PHC2: variants seen among roughly 807,000 people sequenced by gnomAD.
The protein encoded by PHC2 is polyhomeotic-like protein 2.
A neutral mutation model predicts 87.4 loss-of-function variants in PHC2; 29 were observed. That is an observed-to-expected ratio of 0.33 (90% CI 0.25 to 0.45). The LOEUF is 0.45. Ranked by LOEUF, PHC2 falls within the 20% of genes least tolerant of loss-of-function variation. The pLI is 1.00. For missense variants in PHC2, 857 were observed against 1,136.7 expected, an observed-to-expected ratio of 0.75 and a Z score of 3.54; for synonymous variants, 438 against 461.7, an observed-to-expected ratio of 0.95 and a Z score of 0.66.
Position 33,370,510 on chromosome 1 carries a change from C to G in PHC2, c.487G>C (p.Gly163Arg). Reference sequence around the variant, plus strand: ...AAGAGCACAGCCTGCTGAGCGATGCCTGAGGCTGCTGCAGAGTTCACACTC... The same window carrying G: ...AAGAGCACAGCCTGCTGAGCGATGCGTGAGGCTGCTGCAGAGTTCACACTC... ...AQSVNSAAASGIAQQAVLLGN... is the reference protein window; with the variant it reads ...AQSVNSAAASRIAQQAVLLGN... Residue 163 changes from glycine to arginine, a missense_variant, in exon 5 of 15, where the codon GGC becomes CGC. This residue lies in a region of PHC2 where 832 missense variants were observed against 1,081.8 expected (regional missense o/e 0.77). Transcript: ENST00000683057. The G allele has an allele frequency of 1.2e-6, 2 of 1,614,116 alleles. No individual in the cohort carries two copies. The highest frequency in any genetic ancestry group is 1.7e-6 in the Non-Finnish European group (2 of 1,179,982).
At chr1:33,408,882 A>C (rs75241846) in intron 1 of PHC2, among the ~76,000 whole-genome samples, 2,255 of 152,298 alleles carry the variant, frequency 0.015, 47 homozygotes, top group African/African-American at 0.051. Flanking sequence ...GAGCCCCAGG[A>C]GAGAACCAGA....
intron 9 of PHC2, chr1:33,346,701 T>G: frequency 1.0e-6 from 1 of 985,196 alleles, no homozygotes; most frequent in Non-Finnish European, 1.2e-6. Flanking sequence ...TGGATGAAAG[T>G]GAGGAGGTGG....
In PHC2 at chr1:33,332,602, G is replaced by A; in HGVS notation, c.1762-198C>T. 1.7e-6 allele frequency: 1 copy of A among 604,180 alleles called. No individual in the cohort carries two copies. The highest frequency in any genetic ancestry group is 2.9e-5 in the East Asian group (1 of 34,042). 37.4% of individuals were successfully genotyped at this position (604,180 alleles called of 1,614,324 possible). ...TTGGCTCACGAGGTAAGATGCTAATGGGCAAAGTACAGGGATGGCTTCTGT... is the reference window on the plus strand; with the variant it reads ...TTGGCTCACGAGGTAAGATGCTAATAGGCAAAGTACAGGGATGGCTTCTGT... On this transcript the variant is annotated intron_variant, in intron 10 of 14. Transcript: ENST00000683057. The surrounding 1 kb of genome is among the most constrained non-coding windows in gnomAD (Gnocchi z 4.2).
intron 3 of PHC2, among the ~76,000 whole-genome samples, chr1:33,371,627 G>A (rs1429557249): frequency 6.6e-6 from 1 of 152,236 alleles, no homozygotes; most frequent in Non-Finnish European, 1.5e-5. Context: ...CATCCTTCAA[G>A]TGTCAGCTCC....
intron 1 of PHC2, among the ~76,000 whole-genome samples, chr1:33,424,107 A>G (rs1313074428): frequency 6.6e-6 from 1 of 151,798 alleles, no homozygotes; most frequent in Non-Finnish European, 1.5e-5. Flanking sequence ...CAAAAAAAAA[A>G]AAAACAAAAA....
In PHC2 at chr1:33,382,471, C is replaced by T. The variant is rs556544808; in HGVS notation, c.-54-6878G>A. Among the ~76,000 whole-genome samples the T allele has an allele frequency of 6.6e-6, 1 of 152,248 alleles. No homozygotes were observed. Among genetic ancestry groups the T allele is most frequent in the Non-Finnish European group, 1.5e-5 (1 of 68,026 alleles). ...TCTTCCAACTAGTTCTTTATTTCTTCCCCAAGGCCACCCATCCCTGCGGAC... is the reference window on the plus strand; with the variant it reads ...TCTTCCAACTAGTTCTTTATTTCTTTCCCAAGGCCACCCATCCCTGCGGAC... On this transcript the variant is annotated intron_variant, in intron 1 of 14. Coordinates refer to ENST00000683057, the MANE Select transcript of PHC2 (RefSeq NM_001385109.1). The surrounding 1 kb of genome is among the most constrained non-coding windows in gnomAD (Gnocchi z 4.3).
Position 33,355,141 on chromosome 1 carries a change from G to GGGCGGCGGCTGCTGC in PHC2, c.1074_1088dup (p.Pro361_Gln365dup). 1 of 1,611,454 alleles carries GGGCGGCGGCTGCTGC rather than the reference G, an allele frequency of 6.2e-7. No individual in the cohort carries two copies. Among genetic ancestry groups the GGGCGGCGGCTGCTGC allele is most frequent in the Non-Finnish European group, 8.5e-7 (1 of 1,179,118 alleles). On this transcript the variant is annotated inframe_insertion, in exon 8 of 15. Coordinates refer to ENST00000683057, the MANE Select transcript of PHC2 (RefSeq NM_001385109.1). ...CTTGGAGCACAGGCCGTGACTGCTG[G>GGGCGGCGGCTGCTGC]GGCGGCGGCTGCTGCTGTTGTGGCT...
At chr1:33,403,771 T>C (rs1166927564) in intron 1 of PHC2, among the ~76,000 whole-genome samples, 6 of 152,210 alleles carry the variant, frequency 3.9e-5, no homozygotes, top group Non-Finnish European at 2.9e-5. Context: ...TTTTCAATTC[T>C]CATTTTCTTT....
rs1307567955 is a variant in PHC2 at position 33,364,507 on chromosome 1, C to T, written c.976+2609G>A. The stretch of plus-strand genomic sequence containing the variant: ...TGGCTGGGCAGGAGGCCAGAAGTCA[C>T]CTCTGCCCAGGGAACTGTATAGCCC... On this transcript the variant is annotated intron_variant, in intron 7 of 14. Coordinates refer to ENST00000683057, the MANE Select transcript of PHC2 (RefSeq NM_001385109.1). This position sits in a 1 kb window ranked among gnomAD's most constrained non-coding sequence, Gnocchi z 4.1. Among the ~76,000 whole-genome samples, 1 of 152,164 alleles carries T rather than the reference C, an allele frequency of 6.6e-6. No homozygotes were observed. Among genetic ancestry groups the T allele is most frequent in the Non-Finnish European group, 1.5e-5 (1 of 68,030 alleles).
At chr1:33,405,294 A>G (rs1254415548) in intron 1 of PHC2, among the ~76,000 whole-genome samples, 1 of 151,558 alleles carries the variant, frequency 6.6e-6, no homozygotes, top group Non-Finnish European at 1.5e-5. Context: ...GGGTTCAAGC[A>G]ATTCTTGTGC....
rs769429979 is a variant in PHC2 at position 33,375,416 on chromosome 1, C to T, written c.124G>A (p.Gly42Arg). ...SSSGGSGRPT[G>R]PQISVYSGIP... ...CCACTGTACACAGAAATCTGGGGCC[C>T]GGTGGGGCGGCCACTTCCACCACTG... The change falls in exon 2 of 15, where the codon GGG (glycine) becomes AGG (arginine). Residue 42 changes from glycine (G) to arginine (R), a missense_variant. By Grantham distance (125) the Gly-to-Arg change is moderately radical. Coordinates refer to ENST00000683057, the MANE Select transcript of PHC2 (RefSeq NM_001385109.1). The T allele has an allele frequency of 1.2e-5, 19 of 1,611,186 alleles. No homozygotes were observed. The highest frequency in any genetic ancestry group is 1.6e-4 in the Middle Eastern group (1 of 6,066).
rs1648519544 is a variant in PHC2 at position 33,382,034 on chromosome 1, G to A, written c.-54-6441C>T. ...GTGGTGACTTATCAACGAGAGAGGT[G>A]AAGTTTGCCCTGCAGAGAAACCAGA... On this transcript the variant is annotated intron_variant, in intron 1 of 14. Transcript: ENST00000683057. The surrounding 1 kb of genome is among the most constrained non-coding windows in gnomAD (Gnocchi z 4.3). Among the ~76,000 whole-genome samples, 1 of 152,080 alleles carries A rather than the reference G, an allele frequency of 6.6e-6. No individual in the cohort carries two copies. Among genetic ancestry groups the A allele is most frequent in the South Asian group, 2.1e-4 (1 of 4,816 alleles).
At chr1:33,413,338 C>A (rs1166054367) in intron 1 of PHC2, among the ~76,000 whole-genome samples, 4 of 152,148 alleles carry the variant, frequency 2.6e-5, no homozygotes, top group Non-Finnish European at 2.9e-5. Context: ...ACTACTGTTG[C>A]TAAATTGACA....
chr1:33,340,567 ATC>A (rs1300739175), intron 9 of PHC2, among the ~76,000 whole-genome samples: 1 of 152,208 alleles, frequency 6.6e-6, no homozygotes, highest in Admixed American at 6.5e-5. Context: ...TCATGGAAAG[ATC>A]TGGGGCCACG....
chr1:33,386,246 G>A (rs563957303), intron 1 of PHC2, among the ~76,000 whole-genome samples: 96 of 151,852 alleles, frequency 6.3e-4, no homozygotes, highest in African/African-American at 2.1e-3. Flanking sequence ...GGCTGAGTGC[G>A]GTGGCTTACG....
At chr1:33,425,811 A>C (rs1194961897) in intron 1 of PHC2, among the ~76,000 whole-genome samples, 1 of 152,202 alleles carries the variant, frequency 6.6e-6, no homozygotes, top group African/African-American at 2.4e-5. Context: ...TGTATACTGC[A>C]GTTTATATTG....
At chr1:33,356,925 C>T (rs1259779656) in intron 7 of PHC2, among the ~76,000 whole-genome samples, 3 of 152,184 alleles carry the variant, frequency 2.0e-5, no homozygotes, top group Admixed American at 6.5e-5. Context: ...GGGGCTGCCC[C>T]CCACCTCCCT....
intron 1 of PHC2, among the ~76,000 whole-genome samples, chr1:33,413,245 G>A (rs1362897195): frequency 6.6e-6 from 1 of 152,234 alleles, no homozygotes; most frequent in Non-Finnish European, 1.5e-5. Flanking sequence ...GGGATTACAG[G>A]TGTGAGCCAC....
At chr1:33,421,822 C>A (rs191415040) in intron 1 of PHC2, among the ~76,000 whole-genome samples, 1 of 152,172 alleles carries the variant, frequency 6.6e-6, no homozygotes, top group Non-Finnish European at 1.5e-5. Flanking sequence ...AAAGGTTCTT[C>A]GCTAACTGCA....
Sources: gnomAD v4.1 joint callset for allele counts (sites outside exome capture counted in the v4.1 genomes callset) on GRCh38, gnomAD v4.1.1 for gene constraint, gnomAD v4.1.1 regional missense constraint, Gnocchi (gnomAD v3.1) non-coding constraint, MANE v1.5 for transcripts, NCBI Gene and HGNC (gene_info 2026-07-23, HGNC 2026-07-21) for gene names.